Variants in KLHL25 observed in about 807,000 individuals in gnomAD.
KLHL25 encodes kelch like family member 25.
KLHL25 carries 41 observed loss-of-function variants against 30.0 expected under a neutral mutation model. The observed-to-expected ratio is 1.37, with a 90% CI of 1.07 to 1.78. The LOEUF (loss-of-function observed/expected upper bound fraction) is 1.78, where lower values mean the gene tolerates loss of function less well. KLHL25 is among the 40% of genes most tolerant of loss of function. The probability of loss-of-function intolerance (pLI) is 0.00; values close to 1 mark genes in which losing one functional copy is unlikely to be tolerated. For missense variants in KLHL25, 971 were observed against 824.5 expected (o/e 1.18, Z -2.18); for synonymous variants, 399 against 355.3 (o/e 1.12, Z -1.38).
intron 1 of KLHL25, among the ~76,000 whole-genome samples, chr15:85,776,935 A>T (rs2089713182): frequency 1.3e-5 from 2 of 150,424 alleles, no homozygotes; most frequent in African/African-American, 5.0e-5. Flanking sequence ...AAAAAAAATA[A>T]ATAAATAAAT....
intron 2 of KLHL25, among the ~76,000 whole-genome samples, chr15:85,766,408 C>CA (rs972162875): frequency 1.4e-4 from 22 of 152,336 alleles, no homozygotes; most frequent in African/African-American, 4.8e-4. Flanking sequence ...GCCCTAAACA[C>CA]AGAGGGTGTG....
Position 85,768,723 on chromosome 15 carries a change from G to C in KLHL25, c.1088C>G (p.Thr363Ser). 1 of 1,613,424 alleles carries C rather than the reference G, an allele frequency of 6.2e-7. No homozygotes were observed. Among genetic ancestry groups the C allele is most frequent in the Non-Finnish European group, 8.5e-7 (1 of 1,179,942 alleles). The change falls in exon 2 of 3, where the codon ACC becomes AGC. Residue 363 changes from threonine to serine, a missense_variant. Coordinates refer to ENST00000337975, the MANE Select transcript of KLHL25 (RefSeq NM_022480.4). ...CGCCTTGGACCATTCCTCATGTACG[G>C]TGTCGTACACCCAGACATCCTTGGA... ...GVSKDVWVYD[T>S]VHEEWSKAAP...
chr15:85,779,866 T>C (rs2089732679), intron 1 of KLHL25, among the ~76,000 whole-genome samples: 1 of 152,264 alleles, frequency 6.6e-6, no homozygotes, highest in African/African-American at 2.4e-5. Context: ...CCCATAATTT[T>C]CTGAATTTTT....
In KLHL25 at chr15:85,768,999, C is replaced by T. The variant is rs1456250760; in HGVS notation, c.812G>A (p.Arg271His). The T allele has an allele frequency of 6.2e-6, 10 of 1,611,966 alleles. No homozygotes were observed. The highest frequency in any genetic ancestry group is 4.4e-5 in the South Asian group (4 of 91,064). Reference protein sequence around the residue: ...RTKLIMDEALRCKTRILQNDG... With the variant: ...RTKLIMDEALHCKTRILQNDG... ...ATTCTGCAGGATCCTGGTCTTGCAG[C>T]GCAGGGCCTCATCCATGATAAGCTT... is the stretch of plus-strand genomic sequence containing the variant. Residue 271 changes from arginine (R) to histidine (H), a missense_variant, in exon 2 of 3, where the codon CGC (arginine) becomes CAC (histidine). Arg to His is a conservative substitution (Grantham distance 29). Coordinates refer to ENST00000337975, the MANE Select transcript of KLHL25 (RefSeq NM_022480.4).
At chr15:85,763,716 A>C (rs1217414080) in intron 2 of KLHL25, 2 of 152,318 alleles carry the variant, frequency 1.3e-5, no homozygotes, top group African/African-American at 4.8e-5. Flanking sequence ...AGTTGGGCCC[A>C]GCTGGAGGCA....
Position 85,768,298 on chromosome 15 carries a change from C to T in KLHL25, c.1513G>A (p.Ala505Thr), listed in dbSNP as rs1597272482. 6.2e-7 allele frequency: 1 copy of T among 1,614,058 alleles called. No homozygotes were observed. The highest frequency in any genetic ancestry group is 1.1e-5 in the South Asian group (1 of 91,086). ...FIMGGDTEFT[A>T]ASAYRFDCET... ...CAGTCAAAGCGGTAGGCCGAGGCGG[C>T]TGTGAATTCCGTGTCACCTCCCATG... The change falls in exon 2 of 3, where the codon GCC becomes ACC. Residue 505 changes from alanine (A) to threonine (T), a missense_variant. Ala to Thr is a moderately conservative substitution (Grantham distance 58). Transcript: ENST00000337975.
At position 85,768,661 on chromosome 15, in the gene KLHL25, C is replaced by G; in HGVS notation, c.1150G>C (p.Ala384Pro). ...MLIARFGHGS[A>P]ELENCLYVVG... is the part of the protein sequence containing the mutation. The stretch of plus-strand genomic sequence containing the variant: ...ACATAGAGGCAGTTCTCCAGCTCAG[C>G]TGAGCCATGGCCAAAGCGGGCAATC... The change falls in exon 2 of 3, where the codon GCT becomes CCT. Residue 384 changes from alanine (A) to proline (P), a missense_variant. Ala to Pro is a conservative substitution (Grantham distance 27). Transcript: ENST00000337975. 6.2e-7 allele frequency: 1 copy of G among 1,613,294 alleles called. No homozygotes were observed. Among genetic ancestry groups the G allele is most frequent in the Non-Finnish European group, 8.5e-7 (1 of 1,179,606 alleles).
chr15:85,794,539 G>A (rs987924732), intron 1 of KLHL25, among the ~76,000 whole-genome samples: 6 of 152,308 alleles, frequency 3.9e-5, no homozygotes, highest in Non-Finnish European at 5.9e-5. Context: ...CAGAGCTCTC[G>A]GCGAATTCCC....
chr15:85,772,865 T>G (rs147000792), intron 1 of KLHL25, among the ~76,000 whole-genome samples: 27 of 152,356 alleles, frequency 1.8e-4, no homozygotes, highest in African/African-American at 6.3e-4. Context: ...GCAACTCATG[T>G]ACACGCCCAG....
At position 85,768,761 on chromosome 15, in the gene KLHL25, G is replaced by T; in HGVS notation, c.1050C>A (p.Ser350=). Residue 350 remains serine, a synonymous_variant, in exon 2 of 3, where the codon TCC becomes TCA. Coordinates refer to ENST00000337975, the MANE Select transcript of KLHL25 (RefSeq NM_022480.4). ...CKVYVTGGRG[S]ENGVSKDVWV... ...AGACATCCTTGGAGACCCCGTTCTC[G>T]GAGCCCCTGCCCCCCGTCACATAGA... 6.2e-7 allele frequency: 1 copy of T among 1,612,896 alleles called. No homozygotes were observed. Among genetic ancestry groups the T allele is most frequent in the Non-Finnish European group, 8.5e-7 (1 of 1,179,860 alleles).
chr15:85,783,912 C>T (rs2089761871), intron 1 of KLHL25, among the ~76,000 whole-genome samples: 1 of 152,152 alleles, frequency 6.6e-6, no homozygotes, highest in South Asian at 2.1e-4. Flanking sequence ...TTCTCTGAGA[C>T]TCAGTTTTCT....
At chr15:85,782,694 A>G (rs1404789570) in intron 1 of KLHL25, among the ~76,000 whole-genome samples, 2 of 152,146 alleles carry the variant, frequency 1.3e-5, no homozygotes, top group Admixed American at 6.5e-5. Context: ...AGCACCTACA[A>G]TGTGGTGCCC....
At chr15:85,767,548 T>C (rs1166134444) in intron 2 of KLHL25, among the ~76,000 whole-genome samples, 1 of 152,218 alleles carries the variant, frequency 6.6e-6, no homozygotes, top group African/African-American at 2.4e-5. Flanking sequence ...CTTTCCCCTA[T>C]AATAAACTGT....
At chr15:85,786,972 A>G (rs1329423576) in intron 1 of KLHL25, among the ~76,000 whole-genome samples, 1 of 152,226 alleles carries the variant, frequency 6.6e-6, no homozygotes, top group Non-Finnish European at 1.5e-5. Context: ...TACCCAGCTG[A>G]GGTCAGGAGA....
At chr15:85,774,763 C>T (rs2089698721) in intron 1 of KLHL25, among the ~76,000 whole-genome samples, 1 of 152,080 alleles carries the variant, frequency 6.6e-6, no homozygotes, top group South Asian at 2.1e-4. Context: ...TGCGTAGTAC[C>T]CAGGCATGAA....
chr15:85,777,695 G>A (rs150609784), intron 1 of KLHL25, among the ~76,000 whole-genome samples: 7 of 152,326 alleles, frequency 4.6e-5, no homozygotes, highest in Admixed American at 2.6e-4. Flanking sequence ...CAAGTTGAGA[G>A]GGACGCCTTC....
intron 2 of KLHL25, chr15:85,762,583 C>G (rs1032192377): frequency 3.3e-5 from 5 of 152,420 alleles, no homozygotes; most frequent in African/African-American, 1.2e-4. Context: ...CCCTGCACTT[C>G]CTGTGTGCAG....
At chr15:85,761,095 C>G (rs979253338) in intron 2 of KLHL25, 84 bp from the exon 3 acceptor site, 3 of 152,304 alleles carry the variant, frequency 2.0e-5, no homozygotes, top group Non-Finnish European at 4.4e-5. Flanking sequence ...ATGACAATGA[C>G]ACAGCTGCCC....
intron 1 of KLHL25, among the ~76,000 whole-genome samples, chr15:85,782,350 C>T (rs2089749338): frequency 6.6e-6 from 1 of 151,922 alleles, no homozygotes; most frequent in South Asian, 2.1e-4. Flanking sequence ...TATGGTCAGG[C>T]CCCTGAACCC....
Sources: gnomAD v4.1 joint callset for allele counts (sites outside exome capture counted in the v4.1 genomes callset) on GRCh38, gnomAD v4.1.1 for gene constraint, MANE v1.5 for transcripts, NCBI Gene and HGNC (gene_info 2026-07-23, HGNC 2026-07-21) for gene names.